IL1R1: variants seen among roughly 807,000 people sequenced by gnomAD.
IL1R1 encodes interleukin 1 receptor type 1, also known as interleukin-1 receptor type 1.
A neutral mutation model predicts 50.2 loss-of-function variants in IL1R1; 22 were observed. The observed-to-expected ratio is 0.44, with a 90% CI of 0.31 to 0.63. The LOEUF (loss-of-function observed/expected upper bound fraction) is 0.63, where lower values mean the gene tolerates loss of function less well. IL1R1 is among the 20% of genes least tolerant of loss of function. The pLI, the probability that IL1R1 is intolerant of heterozygous loss-of-function variation, is 0.07. For missense variants in IL1R1, 509 were observed against 676.2 expected (o/e 0.75, Z 2.74); for synonymous variants, 251 against 236.7 (o/e 1.06, Z -0.55).
At chr2:102,156,423 A>G (rs915962345) in intron 2 of IL1R1, among the ~76,000 whole-genome samples, 3 of 152,202 alleles carry the variant, frequency 2.0e-5, no homozygotes, top group Non-Finnish European at 2.9e-5. Flanking sequence ...AGTGAAGAGA[A>G]TATGAATGGG....
At chr2:102,120,063 G>A (rs1477888728) in intron 1 of IL1R1, among the ~76,000 whole-genome samples, 1 of 152,038 alleles carries the variant, frequency 6.6e-6, no homozygotes, top group African/African-American at 2.4e-5. Context: ...AGCTATCAAA[G>A]CTTTCATTTA....
chr2:102,086,407 G>A (rs1029975890), intron 1 of IL1R1, among the ~76,000 whole-genome samples: 1 of 151,930 alleles, frequency 6.6e-6, no homozygotes, highest in East Asian at 1.9e-4. Context: ...ATTTGCTTAT[G>A]ATGTGCTTTC....
At chr2:102,155,725 A>G (rs948777743) in intron 2 of IL1R1, among the ~76,000 whole-genome samples, 1 of 152,150 alleles carries the variant, frequency 6.6e-6, no homozygotes, top group African/African-American at 2.4e-5. Context: ...ACTTGGACCC[A>G]GGGGGCATAA....
chr2:102,121,245 G>A (rs576795928), intron 1 of IL1R1, among the ~76,000 whole-genome samples: 3 of 152,190 alleles, frequency 2.0e-5, no homozygotes, highest in South Asian at 2.1e-4. Flanking sequence ...GCAGATGTCC[G>A]CCCCCCAACC....
chr2:102,083,868 T>A (rs1457703616), intron 1 of IL1R1, among the ~76,000 whole-genome samples: 3 of 151,766 alleles, frequency 2.0e-5, no homozygotes, highest in Admixed American at 1.3e-4. Flanking sequence ...TGCTTGAACC[T>A]GGGAGGCAGA....
intron 1 of IL1R1, among the ~76,000 whole-genome samples, chr2:102,130,970 TGA>T (rs1382570304): frequency 1.3e-5 from 2 of 152,178 alleles, no homozygotes; most frequent in African/African-American, 4.8e-5. Context: ...CTTACTGATG[TGA>T]GAGTTTCCAG....
At chr2:102,129,210 C>G (rs1377673880) in intron 1 of IL1R1, among the ~76,000 whole-genome samples, 1 of 151,690 alleles carries the variant, frequency 6.6e-6, no homozygotes, top group Non-Finnish European at 1.5e-5. Flanking sequence ...GACCTTGTCT[C>G]AACAACAAAC....
At chr2:102,172,365 T>A (rs1348376223) in intron 8 of IL1R1, 7 of 985,354 alleles carry the variant, frequency 7.1e-6, no homozygotes, top group Non-Finnish European at 8.4e-6. Context: ...CAAAGCACTT[T>A]GTCATCTGCC....
chr2:102,177,087 A>G lies in IL1R1; in HGVS notation c.*328A>G. ...TCGAGACCAGCCCAGCCAACATGGC[A>G]AAACCCCATCTCTACTAAAAATACA... On this transcript the variant is annotated 3_prime_UTR_variant, in exon 12 of 12. Coordinates refer to ENST00000410023, the MANE Select transcript of IL1R1 (RefSeq NM_000877.4). 1 of 247,642 alleles carries G rather than the reference A, an allele frequency of 4.0e-6. No individual in the cohort carries two copies. Among genetic ancestry groups the G allele is most frequent in the Non-Finnish European group, 8.0e-6 (1 of 125,644 alleles). The allele number at this position is 247,642 out of a possible 1,614,324, so 15.3% of individuals were successfully genotyped here.
At chr2:102,089,733 A>G (rs1679577816) in intron 1 of IL1R1, among the ~76,000 whole-genome samples, 1 of 151,618 alleles carries the variant, frequency 6.6e-6, no homozygotes, top group Non-Finnish European at 1.5e-5. Flanking sequence ...CTTCCTCTGA[A>G]TGCCTTTGTT....
chr2:102,087,640 G>T (rs1679485045), intron 1 of IL1R1, among the ~76,000 whole-genome samples: 2 of 152,100 alleles, frequency 1.3e-5, no homozygotes, highest in South Asian at 2.1e-4. Context: ...ATGGTTTAAA[G>T]GTGTGGCATG....
intron 1 of IL1R1, among the ~76,000 whole-genome samples, chr2:102,122,117 A>G (rs1220464158): frequency 1.3e-5 from 2 of 152,222 alleles, no homozygotes; most frequent in African/African-American, 2.4e-5. Context: ...ACTGGTTTCC[A>G]TGCTATACTT....
intron 1 of IL1R1, among the ~76,000 whole-genome samples, chr2:102,143,690 G>GC (rs910421340): frequency 1.1e-4 from 17 of 152,134 alleles, no homozygotes; most frequent in Admixed American, 5.2e-4. Flanking sequence ...TCTGCATGCA[G>GC]CCCCCCTCTG....
At chr2:102,118,975 T>A (rs1967313) in intron 1 of IL1R1, among the ~76,000 whole-genome samples, 2 of 137,594 alleles carry the variant, frequency 1.5e-5, no homozygotes, top group African/African-American at 2.6e-5. Context: ...CCGAGATCGC[T>A]CCACTGCTCT....
chr2:102,164,577 A>G (rs1578013803), intron 3 of IL1R1, among the ~76,000 whole-genome samples, 197 bp from the exon 4 acceptor site: 1 of 152,168 alleles, frequency 6.6e-6, no homozygotes, highest in African/African-American at 2.4e-5. Flanking sequence ...TACAGCACAC[A>G]GGCAGTAAGT....
chr2:102,152,134 T>G (rs1408453299), intron 1 of IL1R1, among the ~76,000 whole-genome samples: 5 of 151,646 alleles, frequency 3.3e-5, no homozygotes, highest in African/African-American at 9.7e-5. Flanking sequence ...CAGCAATGGA[T>G]GAGTGGTGGA....
chr2:102,175,275 T>C (rs577302062), intron 10 of IL1R1, among the ~76,000 whole-genome samples: 1 of 152,242 alleles, frequency 6.6e-6, no homozygotes, highest in South Asian at 2.1e-4. Context: ...AAGAACAAAT[T>C]TGCAGTAAAA....
chr2:102,132,337 G>A (rs1682082792), intron 1 of IL1R1, among the ~76,000 whole-genome samples: 1 of 151,948 alleles, frequency 6.6e-6, no homozygotes, highest in African/African-American at 2.4e-5. Context: ...GAGGTTTATA[G>A]GATATGTAAA....
chr2:102,106,299 G>A (rs948942366), intron 1 of IL1R1, among the ~76,000 whole-genome samples: 6 of 152,144 alleles, frequency 3.9e-5, no homozygotes, highest in Non-Finnish European at 8.8e-5. Flanking sequence ...TACTATAAAT[G>A]TGTTGATCTG....
Sources: gnomAD v4.1 joint callset for allele counts (sites outside exome capture counted in the v4.1 genomes callset) on GRCh38, gnomAD v4.1.1 for gene constraint, MANE v1.5 for transcripts, NCBI Gene and HGNC (gene_info 2026-07-23, HGNC 2026-07-21) for gene names.